The following CTNNBL1 variants were observed in gnomAD, a reference collection of about 807,000 sequenced individuals.
CTNNBL1 encodes the protein catenin beta like 1, also known as beta-catenin-like protein 1.
Under a neutral mutation model 72.7 loss-of-function variants are expected in CTNNBL1, and 31 were observed. That is an observed-to-expected ratio of 0.43 (90% CI 0.32 to 0.58). CTNNBL1 has a LOEUF of 0.58. CTNNBL1 is among the 20% of genes least tolerant of loss of function. The pLI is 0.08. For missense variants in CTNNBL1, 534 were observed against 725.1 expected, an observed-to-expected ratio of 0.74 and a Z score of 3.03; for synonymous variants, 240 against 267.3, an observed-to-expected ratio of 0.90 and a Z score of 1.00.
At chr20:37,856,668 G>C (rs1429922783) in intron 13 of CTNNBL1, among the ~76,000 whole-genome samples, 6 of 151,874 alleles carry the variant, frequency 4.0e-5, no homozygotes, top group Non-Finnish European at 8.8e-5. Context: ...TGCTGTCTCT[G>C]CCCATCACTC....
chr20:37,785,335 A>G (rs2073663100), intron 10 of CTNNBL1, among the ~76,000 whole-genome samples: 1 of 152,196 alleles, frequency 6.6e-6, no homozygotes. Flanking sequence ...CTCTCTGATT[A>G]TCCCTTGGAA....
At chr20:37,871,824 A>C in intron 15 of CTNNBL1, 101 bp from the exon 16 acceptor site, 1 of 1,032,690 alleles carries the variant, frequency 9.7e-7, no homozygotes. Flanking sequence ...GGCGACTTGC[A>C]CCTCTGTGGG....
chr20:37,859,826 G>A (rs1041374833), intron 13 of CTNNBL1, 73 bp from the exon 14 acceptor site: 44 of 1,514,772 alleles, frequency 2.9e-5, no homozygotes, highest in Non-Finnish European at 3.9e-5. Flanking sequence ...GTGTATTATG[G>A]CCAGACTAGG....
intron 13 of CTNNBL1, among the ~76,000 whole-genome samples, chr20:37,848,646 A>G (rs2072368059): frequency 6.6e-6 from 1 of 152,108 alleles, no homozygotes; most frequent in Non-Finnish European, 1.5e-5. Context: ...CCCCCTTGCC[A>G]ATCACAATCA....
intron 11 of CTNNBL1, among the ~76,000 whole-genome samples, chr20:37,836,400 A>G (rs2235475): frequency 0.82 from 124,544 of 152,154 alleles, 51,022 homozygotes; most frequent in Middle Eastern, 0.89. Context: ...CCTCTCCCAC[A>G]TGGACATGGC....
intron 1 of CTNNBL1, among the ~76,000 whole-genome samples, chr20:37,697,694 A>G (rs188285955): frequency 6.6e-6 from 1 of 152,352 alleles, no homozygotes; most frequent in African/African-American, 2.4e-5. Flanking sequence ...GTGGGCCAAG[A>G]TGGTGGCCAG....
chr20:37,844,336 A>T (rs1248860862), intron 13 of CTNNBL1, among the ~76,000 whole-genome samples: 2 of 152,130 alleles, frequency 1.3e-5, no homozygotes, highest in African/African-American at 4.8e-5. Flanking sequence ...TTTCTGGCCT[A>T]TAAAGTGATA....
At chr20:37,699,637 C>G (rs946896654) in intron 1 of CTNNBL1, among the ~76,000 whole-genome samples, 3 of 152,220 alleles carry the variant, frequency 2.0e-5, no homozygotes, top group Non-Finnish European at 4.4e-5. Flanking sequence ...AAAGTAGACT[C>G]AGTACGACCA....
intron 10 of CTNNBL1, among the ~76,000 whole-genome samples, chr20:37,783,084 T>C (rs1405326202): frequency 6.6e-6 from 1 of 152,162 alleles, no homozygotes; most frequent in Non-Finnish European, 1.5e-5. Flanking sequence ...TTTTTAAAAA[T>C]ATTTTTGGCA....
chr20:37,809,197 A>G (rs1234793122), intron 11 of CTNNBL1, among the ~76,000 whole-genome samples: 1 of 152,194 alleles, frequency 6.6e-6, no homozygotes, highest in East Asian at 1.9e-4. Context: ...GCAATTTTAT[A>G]GATATTTACC....
chr20:37,867,474 G>C lies in CTNNBL1; in HGVS notation c.1604-4451G>C, dbSNP rs563546073. Among the ~76,000 whole-genome samples, 6 of 152,160 alleles carry C rather than the reference G, an allele frequency of 3.9e-5. No homozygotes were observed. In the East Asian group the frequency reaches 7.7e-4, roughly 20 times the overall value. On this transcript the variant is annotated intron_variant, in intron 15 of 15. Transcript: ENST00000361383. ...TCCATGTCTGAATAGTAAACCTGCTGTCTAAAGTTTGCTTTAATATTTATG... is the reference window on the plus strand; with the variant it reads ...TCCATGTCTGAATAGTAAACCTGCTCTCTAAAGTTTGCTTTAATATTTATG...
At chr20:37,797,319 A>G (rs191727637) in intron 10 of CTNNBL1, among the ~76,000 whole-genome samples, 13 of 136,890 alleles carry the variant, frequency 9.5e-5, no homozygotes, top group African/African-American at 3.3e-4. Context: ...CGATTAGTTT[A>G]TGGTTCACAG....
chr20:37,857,562 G>T (rs768340761), intron 13 of CTNNBL1, among the ~76,000 whole-genome samples: 1 of 152,142 alleles, frequency 6.6e-6, no homozygotes, highest in Non-Finnish European at 1.5e-5. Context: ...ATGAAAAGTA[G>T]CCTTGTGTTG....
intron 15 of CTNNBL1, among the ~76,000 whole-genome samples, chr20:37,867,392 C>G (rs1370737902): frequency 6.6e-6 from 1 of 152,182 alleles, no homozygotes. Context: ...TTTTCCCCAT[C>G]CACCAGCCCC....
At chr20:37,754,996 CA>C (rs2073351481) in intron 4 of CTNNBL1, among the ~76,000 whole-genome samples, 1 of 151,916 alleles carries the variant, frequency 6.6e-6, no homozygotes, top group Admixed American at 6.6e-5. Context: ...TTAGTAGAGA[CA>C]GGTTTCACCA....
chr20:37,725,385 C>T (rs2073075345), intron 1 of CTNNBL1, among the ~76,000 whole-genome samples: 2 of 152,062 alleles, frequency 1.3e-5, no homozygotes, highest in Non-Finnish European at 1.5e-5. Flanking sequence ...CAACCTCTGC[C>T]TCCCCAGTTC....
At chr20:37,768,325 C>G (rs1315112016) in intron 7 of CTNNBL1, among the ~76,000 whole-genome samples, 1 of 152,196 alleles carries the variant, frequency 6.6e-6, no homozygotes, top group Non-Finnish European at 1.5e-5. Context: ...CCTTGTAGTT[C>G]CACTTCTCAG....
At chr20:37,726,492 T>C (rs1381596145) in intron 1 of CTNNBL1, among the ~76,000 whole-genome samples, 1 of 152,182 alleles carries the variant, frequency 6.6e-6, no homozygotes, top group Admixed American at 6.5e-5. Context: ...GGCCTCAGAT[T>C]TCCCTATTCT....
At chr20:37,730,024 T>C (rs1484806488) in intron 1 of CTNNBL1, among the ~76,000 whole-genome samples, 1 of 152,170 alleles carries the variant, frequency 6.6e-6, no homozygotes, top group Non-Finnish European at 1.5e-5. Flanking sequence ...ACAAACTAAA[T>C]TGTCGAGTGT....
Sources: gnomAD v4.1 joint callset for allele counts (sites outside exome capture counted in the v4.1 genomes callset) on GRCh38, gnomAD v4.1.1 for gene constraint, MANE v1.5 for transcripts, NCBI Gene and HGNC (gene_info 2026-07-23, HGNC 2026-07-21) for gene names.